The following DMD variants were observed in gnomAD, a reference collection of about 807,000 sequenced individuals.
The protein encoded by DMD is dystrophin.
DMD carries 63 observed loss-of-function variants against 330.1 expected under a neutral mutation model. That is an observed-to-expected ratio of 0.19 (90% confidence interval 0.16 to 0.24). The LOEUF (loss-of-function observed/expected upper bound fraction) is 0.24, where lower values mean the gene tolerates loss of function less well. DMD is among the 10% of genes least tolerant of loss of function. The probability of loss-of-function intolerance (pLI) is 1.00; values close to 1 mark genes in which losing one functional copy is unlikely to be tolerated. For missense variants in DMD, 3,344 were observed against 2,684.1 expected (o/e 1.25, Z -5.43); for synonymous variants, 1,223 against 959.8 (o/e 1.27, Z -5.07).
At chrX:33,173,625 G>C (rs1354715616) in intron 1 of DMD, among the ~76,000 whole-genome samples, 2 of 111,303 alleles carry the variant, frequency 1.8e-5, no homozygotes, top group African/African-American at 6.5e-5. Context: ...TGGCTTAATA[G>C]AAGATCAGTT....
At chrX:31,147,847 AT>A (rs1388876500) in intron 74 of DMD, among the ~76,000 whole-genome samples, 1 of 111,492 alleles carries the variant, frequency 9.0e-6, no homozygotes, top group East Asian at 2.8e-4. Flanking sequence ...CTTTGTAAAT[AT>A]TTCTTTATAA....
intron 11 of DMD, among the ~76,000 whole-genome samples, chrX:32,621,917 A>G (rs1250119861): frequency 9.0e-6 from 1 of 111,515 alleles, no homozygotes; most frequent in Non-Finnish European, 1.9e-5. Flanking sequence ...CACTTACTGA[A>G]TCAGAAACTC....
At chrX:31,812,456 T>C (rs1410169430) in intron 50 of DMD, among the ~76,000 whole-genome samples, 3 of 103,637 alleles carry the variant, frequency 2.9e-5, no homozygotes, top group Non-Finnish European at 5.9e-5. Flanking sequence ...TTAGGAGATA[T>C]ACCTAATGTT....
At chrX:31,590,116 C>A (rs1417323907) in intron 55 of DMD, among the ~76,000 whole-genome samples, 6 of 110,389 alleles carry the variant, frequency 5.4e-5, no homozygotes, top group Non-Finnish European at 3.8e-5. Flanking sequence ...TTATATTTCT[C>A]CCTGTGGCAA....
intron 1 of DMD, among the ~76,000 whole-genome samples, chrX:33,066,327 T>C (rs1421791437): frequency 4.7e-5 from 5 of 106,285 alleles, no homozygotes; most frequent in Non-Finnish European, 9.6e-5. Flanking sequence ...TGCGCGCCTG[T>C]AATCCCAGCT....
At position 33,094,807 on chromosome X, in the gene DMD, CAA is replaced by C. The variant is rs199716276; in HGVS notation, c.32-74609_32-74608del. On this transcript the variant is annotated intron_variant, in intron 1 of 78. Coordinates refer to ENST00000357033, the MANE Select transcript of DMD (RefSeq NM_004006.3). Reference sequence around the variant, plus strand: ...AGGGCGACAGAGCAAGACTCCATCTCAAAAAAAAAAAAAAAGAAAAAAAAGAA... The same window carrying C: ...AGGGCGACAGAGCAAGACTCCATCTCAAAAAAAAAAAAAGAAAAAAAAGAA... 3.3e-4 allele frequency among the ~76,000 whole-genome samples: 20 copies of C among 60,029 alleles called. No homozygotes were observed. The South Asian group carries it at 4.7e-3, about 14-fold the overall frequency. 52.1% of individuals were successfully genotyped at this position (60,029 alleles called of 115,157 possible). A position where few individuals can be genotyped will look rare whatever the true frequency, so the allele number is the denominator to read the frequency against.
At chrX:32,103,868 C>T (rs2146533395) in intron 44 of DMD, among the ~76,000 whole-genome samples, 1 of 111,929 alleles carries the variant, frequency 8.9e-6, no homozygotes, top group South Asian at 3.7e-4. Context: ...CCCCCAGTGG[C>T]TATTCATTTA....
intron 1 of DMD, among the ~76,000 whole-genome samples, chrX:33,238,475 A>G (rs1418926821): frequency 9.0e-6 from 1 of 111,215 alleles, no homozygotes; most frequent in African/African-American, 3.3e-5. Flanking sequence ...GATTCCTTAT[A>G]CAGCACCCTC....
intron 67 of DMD, among the ~76,000 whole-genome samples, chrX:31,192,239 G>A (rs1272402265): frequency 8.9e-6 from 1 of 112,134 alleles, no homozygotes; most frequent in Non-Finnish European, 1.9e-5. Flanking sequence ...AATCAAATGA[G>A]TGATAAAAAG....
At chrX:31,566,365 T>C (rs772604081) in intron 55 of DMD, among the ~76,000 whole-genome samples, 3 of 111,792 alleles carry the variant, frequency 2.7e-5, no homozygotes, top group Non-Finnish European at 5.7e-5. Context: ...GCTTTCTCTA[T>C]TGAATTGCTT....
chrX:32,935,064 C>T (rs956504547), intron 2 of DMD, among the ~76,000 whole-genome samples: 3 of 112,730 alleles, frequency 2.7e-5, no homozygotes, highest in Non-Finnish European at 5.6e-5. Context: ...CTGCAAGCTC[C>T]GCCTCCCGGG....
At chrX:32,853,698 G>C (rs1193046525) in intron 2 of DMD, among the ~76,000 whole-genome samples, 2 of 103,179 alleles carry the variant, frequency 1.9e-5, no homozygotes, top group African/African-American at 7.2e-5. Context: ...AAAACAAAAT[G>C]GTAGGAATAA....
At chrX:32,124,647 G>A (rs1482280252) in intron 44 of DMD, among the ~76,000 whole-genome samples, 2 of 111,907 alleles carry the variant, frequency 1.8e-5, no homozygotes, top group Non-Finnish European at 3.8e-5. Flanking sequence ...AGTAAGTAAA[G>A]AATGCCCAAT....
intron 60 of DMD, among the ~76,000 whole-genome samples, chrX:31,434,259 G>A (rs1468066975): frequency 9.0e-6 from 1 of 111,012 alleles, no homozygotes; most frequent in African/African-American, 3.3e-5. Flanking sequence ...ACCCTGTTTA[G>A]TTAGTCCCAG....
At chrX:33,075,053 G>A (rs998566227) in intron 1 of DMD, among the ~76,000 whole-genome samples, 1 of 112,033 alleles carries the variant, frequency 8.9e-6, no homozygotes, top group Non-Finnish European at 1.9e-5. Context: ...AGGATTGCCA[G>A]CCATTATTCC....
At chrX:32,543,134 T>C (rs2048642090) in intron 17 of DMD, among the ~76,000 whole-genome samples, 1 of 111,750 alleles carries the variant, frequency 8.9e-6, no homozygotes, top group Non-Finnish European at 1.9e-5. Flanking sequence ...AAGCACTGAA[T>C]CTACTACTGA....
chrX:31,522,363 C>CTCTCTCTCTCTCTCTCTCTCTCTATATA, intron 55 of DMD, among the ~76,000 whole-genome samples: 1 of 35,964 alleles, frequency 2.8e-5, no homozygotes, highest in Non-Finnish European at 4.2e-5. Flanking sequence ...CTCTCTCTCT[C>CTCTCTCTCTCTCTCTCTCTCTCTATATA]TATATATATA....
In DMD at chrX:32,809,509, T is replaced by C. The variant is rs367557830; in HGVS notation, c.633A>G (p.Lys211=). Residue 211 remains lysine (K), a synonymous_variant, in exon 7 of 79, where the codon AAA becomes AAG. Coordinates refer to ENST00000357033, the MANE Select transcript of DMD (RefSeq NM_004006.3). ...TTTACCAACCTTCAGGATCGAGTAG[T>C]TTCTCTATGCCTAATTGATATCTGG... ...NIARYQLGIE[K]LLDPEDVDTT... is the part of the protein sequence containing the mutation. The C allele has an allele frequency of 3.3e-6, 4 of 1,208,525 alleles. No homozygotes were observed. In the African/African-American group the frequency reaches 7.0e-5, roughly 21 times the overall value.
intron 9 of DMD, among the ~76,000 whole-genome samples, chrX:32,651,438 C>T (rs73621816): frequency 0.084 from 9,369 of 111,811 alleles, 928 homozygotes; most frequent in African/African-American, 0.29. Flanking sequence ...CCACGGTGTC[C>T]GGCCCTCACG....
Sources: allele counts gnomAD v4.1 joint callset (sites outside exome capture counted in the v4.1 genomes callset), GRCh38; gene constraint gnomAD v4.1.1; transcripts MANE v1.5; gene names NCBI Gene and HGNC (gene_info 2026-07-23, HGNC 2026-07-21).